ELOVL4: variants seen among roughly 807,000 people sequenced by gnomAD.
ELOVL4 encodes the protein ELOVL fatty acid elongase 4.
ELOVL4 carries 18 observed loss-of-function variants against 42.1 expected under a neutral mutation model. The observed-to-expected ratio is 0.43, with a 90% CI of 0.30 to 0.63. ELOVL4 has a LOEUF of 0.63. Among genes scored for constraint, ELOVL4 ranks in the 30% least tolerant of loss-of-function variants. The pLI is 0.15. For synonymous variants in ELOVL4, 117 were observed against 127.0 expected, an observed-to-expected ratio of 0.92 and a Z score of 0.53; for missense variants, 299 against 376.2, an observed-to-expected ratio of 0.79 and a Z score of 1.70.
chr6:79,947,541 T>C lies in ELOVL4; in HGVS notation c.-262A>G, dbSNP rs886061807. ...AGGCCCAGCCGCCAGCACAGTGCGCTGCACCAGTCTGCAGCCTCGCGCAGC... is the reference window on the plus strand; with the variant it reads ...AGGCCCAGCCGCCAGCACAGTGCGCCGCACCAGTCTGCAGCCTCGCGCAGC... On this transcript the variant is annotated 5_prime_UTR_variant, in exon 1 of 6. Transcript: ENST00000369816. The C allele has an allele frequency of 3.2e-5, 15 of 468,288 alleles. No homozygotes were observed. Among genetic ancestry groups the C allele is most frequent in the Non-Finnish European group, 4.3e-5 (11 of 255,976 alleles). The allele number at this position is 468,288 out of a possible 1,614,324, so 29.0% of individuals were successfully genotyped here.
rs1402452361 is a variant in ELOVL4, at chr6:79,947,299, T to C, written c.-20A>G. 3 of 1,597,612 alleles carry C rather than the reference T, an allele frequency of 1.9e-6. No individual in the cohort carries two copies. The highest frequency in any genetic ancestry group is 1.7e-6 in the Non-Finnish European group (2 of 1,168,254). ...CCCCATCGCGGCGATGAGCGGGCGCTGGCGGCAGGAGAAAGCGGAGACCCA... is the reference window on the plus strand; with the variant it reads ...CCCCATCGCGGCGATGAGCGGGCGCCGGCGGCAGGAGAAAGCGGAGACCCA... On this transcript the variant is annotated 5_prime_UTR_variant, in exon 1 of 6. Coordinates refer to ENST00000369816, the MANE Select transcript of ELOVL4 (RefSeq NM_022726.4).
intron 1 of ELOVL4, among the ~76,000 whole-genome samples, chr6:79,930,325 A>AG (rs1163967606): frequency 6.6e-6 from 1 of 152,218 alleles, no homozygotes; most frequent in Non-Finnish European, 1.5e-5. Context: ...CTAGTTCAGC[A>AG]GGGTCAGAGA....
intron 1 of ELOVL4, among the ~76,000 whole-genome samples, chr6:79,937,752 C>G (rs1353540915): frequency 6.6e-6 from 1 of 152,154 alleles, no homozygotes; most frequent in East Asian, 1.9e-4. Context: ...TATTCCAACT[C>G]TGTTACTTTC....
In ELOVL4 at chr6:79,947,266, T is replaced by G; in HGVS notation, c.14A>C (p.Asp5Ala). The change falls in exon 1 of 6, where the codon GAC (aspartate) becomes GCC (alanine). Residue 5 changes from aspartate (D) to alanine (A), a missense_variant. Asp to Ala is a moderately radical substitution (Grantham distance 126, BLOSUM62 -2). Coordinates refer to ENST00000369816, the MANE Select transcript of ELOVL4 (RefSeq NM_022726.4). Reference protein sequence around the residue: MGLLDSEPGSVLNVV... With the variant: MGLLASEPGSVLNVV... ...GTTTAGGACACTACCCGGCTCCGAG[T>G]CCAGGAGCCCCATCGCGGCGATGAG... The G allele has an allele frequency of 6.2e-7, 1 of 1,612,178 alleles. No individual in the cohort carries two copies. Among genetic ancestry groups the G allele is most frequent in the African/African-American group, 1.3e-5 (1 of 74,896 alleles).
At position 79,927,447 on chromosome 6, in the gene ELOVL4, T is replaced by C. The variant is rs78336213; in HGVS notation, c.101-1066A>G. The stretch of plus-strand genomic sequence containing the variant: ...ATGAATTTAACTTAATTGTTGATCA[T>C]AATAACTCCCTATTTAAACTGTCAT... On this transcript the variant is annotated intron_variant, in intron 1 of 5. Transcript: ENST00000369816. Among the ~76,000 whole-genome samples the C allele has an allele frequency of 5.8e-3, 880 of 152,288 alleles. 9 individuals are homozygous for C. Among genetic ancestry groups the C allele is most frequent in the African/African-American group, 0.019 (800 of 41,576 alleles).
In ELOVL4 at chr6:79,924,549, C is replaced by T. The variant is rs141947444; in HGVS notation, c.369+403G>A. On this transcript the variant is annotated intron_variant, in intron 3 of 5. Transcript: ENST00000369816. ...ATAATTTCACTATCATATTAAAGTACATTTTGCCAGGTGTGGTGGCTCACA... is the reference window on the plus strand; with the variant it reads ...ATAATTTCACTATCATATTAAAGTATATTTTGCCAGGTGTGGTGGCTCACA... Among the ~76,000 whole-genome samples the T allele has an allele frequency of 1.3e-3, 196 of 152,132 alleles. 1 individual carries two copies. The highest frequency in any genetic ancestry group is 4.5e-3 in the African/African-American group (187 of 41,504).
At chr6:79,936,677 C>G (rs1410900323) in intron 1 of ELOVL4, among the ~76,000 whole-genome samples, 1 of 152,188 alleles carries the variant, frequency 6.6e-6, no homozygotes, top group African/African-American at 2.4e-5. Flanking sequence ...GGAGTAAACT[C>G]TATACATCTT....
intron 1 of ELOVL4, among the ~76,000 whole-genome samples, chr6:79,931,199 T>A (rs992844607): frequency 1.4e-4 from 21 of 152,178 alleles, no homozygotes; most frequent in African/African-American, 5.1e-4. Flanking sequence ...AATATGCTTA[T>A]TAACATGTTT....
chr6:79,929,763 G>A (rs760137027), intron 1 of ELOVL4, among the ~76,000 whole-genome samples: 4 of 152,266 alleles, frequency 2.6e-5, no homozygotes, highest in Non-Finnish European at 2.9e-5. Context: ...GTCAGGGGAC[G>A]CATTTTGCAT....
rs995956503 is a variant in ELOVL4, at chr6:79,927,521, G to C, written c.101-1140C>G. On this transcript the variant is annotated intron_variant, in intron 1 of 5. Coordinates refer to ENST00000369816, the MANE Select transcript of ELOVL4 (RefSeq NM_022726.4). ...AAATGCTTCTGGATTAGTGAACTAG[G>C]TATTAAAATACCTTACTTAAAAAAT... Among the ~76,000 whole-genome samples, 7 of 152,082 alleles carry C rather than the reference G, an allele frequency of 4.6e-5. No individual in the cohort carries two copies. The East Asian group carries it at 1.2e-3, about 25-fold the overall frequency.
intron 1 of ELOVL4, among the ~76,000 whole-genome samples, chr6:79,931,092 G>T (rs1428081396): frequency 6.6e-6 from 1 of 152,100 alleles, no homozygotes; most frequent in Admixed American, 6.5e-5. Context: ...TTTTGGTGGG[G>T]TGGAGGGGGA....
At position 79,917,035 on chromosome 6, in the gene ELOVL4, T is replaced by G. The variant is rs1774175092; in HGVS notation, c.670-152A>C. 3.8e-6 allele frequency: 3 copies of G among 794,084 alleles called. No homozygotes were observed. In the Admixed American group the frequency reaches 6.5e-5, roughly 17 times the overall value. The allele number at this position is 794,084 out of a possible 1,614,324, so 49.2% of individuals were successfully genotyped here. A position where few individuals can be genotyped will look rare whatever the true frequency, so the allele number is the denominator to read the frequency against. On this transcript the variant is annotated intron_variant, in intron 5 of 5. Transcript: ENST00000369816. The stretch of plus-strand genomic sequence containing the variant: ...TCTGGCTCCCATGGCTAGCTCCTCA[T>G]TCACAACTCAAATGCCATCTCCTCA...
rs1774138239 is a variant in ELOVL4 at position 79,915,309 on chromosome 6, G to C, written c.*1299C>G. On this transcript the variant is annotated 3_prime_UTR_variant, in exon 6 of 6. Coordinates refer to ENST00000369816, the MANE Select transcript of ELOVL4 (RefSeq NM_022726.4). ...ACATGAAATACTTCATTTGTAAATAGCAAATTGAATGTTATAGTTCTGACT... is the reference window on the plus strand; with the variant it reads ...ACATGAAATACTTCATTTGTAAATACCAAATTGAATGTTATAGTTCTGACT... 1 of 152,416 alleles carries C rather than the reference G, an allele frequency of 6.6e-6. No homozygotes were observed. Among genetic ancestry groups the C allele is most frequent in the Admixed American group, 6.6e-5 (1 of 15,242 alleles). The allele number at this position is 152,416 out of a possible 1,614,324, so 9.4% of individuals were successfully genotyped here.
intron 1 of ELOVL4, among the ~76,000 whole-genome samples, chr6:79,930,774 G>T (rs1048216818): frequency 2.6e-5 from 4 of 152,010 alleles, no homozygotes; most frequent in Non-Finnish European, 5.9e-5. Context: ...TAACTCGAAT[G>T]TTTAAAAATA....
chr6:79,941,094 T>A (rs1774637234), intron 1 of ELOVL4, among the ~76,000 whole-genome samples: 1 of 152,234 alleles, frequency 6.6e-6, no homozygotes, highest in Non-Finnish European at 1.5e-5. Flanking sequence ...CTATAAAGAA[T>A]GAGGTTTCTG....
intron 1 of ELOVL4, among the ~76,000 whole-genome samples, chr6:79,942,496 C>T (rs149138734): frequency 1.1e-3 from 172 of 152,184 alleles, no homozygotes; most frequent in South Asian, 7.5e-3. Flanking sequence ...AAAATACTTA[C>T]GTTAATAATG....
At chr6:79,932,548 TCTCAAAAAAAAAAAATA>T in intron 1 of ELOVL4, among the ~76,000 whole-genome samples, 1 of 140,766 alleles carries the variant, frequency 7.1e-6, no homozygotes, top group Non-Finnish European at 1.5e-5. Context: ...AGAGACTCCT[TCTCAAAAAAAAAAAATA>T]GAGTCCACCT....
chr6:79,937,696 T>A (rs2080681202), intron 1 of ELOVL4, among the ~76,000 whole-genome samples: 1 of 152,214 alleles, frequency 6.6e-6, no homozygotes, highest in South Asian at 2.1e-4. Flanking sequence ...TAGGCTATGT[T>A]GCATTATAAA....
chr6:79,947,416 C>G lies in ELOVL4; in HGVS notation c.-137G>C, dbSNP rs1252452713. On this transcript the variant is annotated 5_prime_UTR_variant, in exon 1 of 6. Coordinates refer to ENST00000369816, the MANE Select transcript of ELOVL4 (RefSeq NM_022726.4). ...CGGCGGCGGCCCGGCTGCGTCTTCT[C>G]CTGCTCCTCAAGGCGCCGCGGCGGC... The G allele has an allele frequency of 7.1e-6, 5 of 708,310 alleles. No homozygotes were observed. The highest frequency in any genetic ancestry group is 2.5e-6 in the Non-Finnish European group (1 of 401,044). 43.9% of individuals were successfully genotyped at this position (708,310 alleles called of 1,614,324 possible).
Sources: gnomAD v4.1 joint callset for allele counts (sites outside exome capture counted in the v4.1 genomes callset) on GRCh38, gnomAD v4.1.1 for gene constraint, MANE v1.5 for transcripts, NCBI Gene and HGNC (gene_info 2026-07-23, HGNC 2026-07-21) for gene names.